MOB3B: variants seen among roughly 807,000 people sequenced by gnomAD.
MOB3B encodes the protein MOB kinase activator-like 2B.
Under a neutral mutation model 18.7 loss-of-function variants are expected in MOB3B, and 7 were observed. The observed-to-expected ratio is 0.37, with a 90% confidence interval of 0.21 to 0.70. The LOEUF is 0.70. MOB3B is among the 30% of genes least tolerant of loss of function. MOB3B has a pLI of 0.52. For missense variants in MOB3B, 253 were observed against 281.3 expected (o/e 0.90, Z 0.72); for synonymous variants, 111 against 99.9 (o/e 1.11, Z -0.66).
chr9:27,364,533 G>C (rs1292042462), intron 2 of MOB3B, among the ~76,000 whole-genome samples: 1 of 152,108 alleles, frequency 6.6e-6, no homozygotes, highest in Non-Finnish European at 1.5e-5. Flanking sequence ...GCTTATAATA[G>C]CTATTGATTT....
At chr9:27,504,217 T>C (rs1820027239) in intron 1 of MOB3B, among the ~76,000 whole-genome samples, 1 of 152,234 alleles carries the variant, frequency 6.6e-6, no homozygotes, top group African/African-American at 2.4e-5. Flanking sequence ...CAAGAGGACA[T>C]GGCTAGGCTG....
At chr9:27,381,734 C>T (rs1821580273) in intron 2 of MOB3B, among the ~76,000 whole-genome samples, 1 of 152,132 alleles carries the variant, frequency 6.6e-6, no homozygotes, top group African/African-American at 2.4e-5. Context: ...GTATCCTCAA[C>T]CTCCTGGGCT....
intron 1 of MOB3B, among the ~76,000 whole-genome samples, chr9:27,521,385 C>T (rs539443296): frequency 1.4e-4 from 21 of 152,274 alleles, no homozygotes; most frequent in Admixed American, 6.5e-4. Context: ...ATCTCCAACA[C>T]CTATGAGCAG....
At chr9:27,425,774 C>T in intron 2 of MOB3B, among the ~76,000 whole-genome samples, 1 of 152,146 alleles carries the variant, frequency 6.6e-6, no homozygotes, top group Admixed American at 6.5e-5. Context: ...CTTTTGTCAG[C>T]CTTCTCTTCC....
intron 2 of MOB3B, among the ~76,000 whole-genome samples, chr9:27,422,109 C>T (rs985621004): frequency 1.3e-5 from 2 of 152,176 alleles, no homozygotes; most frequent in East Asian, 1.9e-4. Context: ...TACATGAATA[C>T]GTGAATGAAT....
chr9:27,428,161 T>C (rs752335509), intron 2 of MOB3B, among the ~76,000 whole-genome samples: 5 of 152,156 alleles, frequency 3.3e-5, no homozygotes, highest in Non-Finnish European at 7.3e-5. Flanking sequence ...GGGGCTGCTA[T>C]GGACTAGGCA....
intron 1 of MOB3B, among the ~76,000 whole-genome samples, chr9:27,479,582 A>G (rs1485890537): frequency 1.3e-5 from 2 of 152,204 alleles, no homozygotes; most frequent in Non-Finnish European, 2.9e-5. Context: ...ATAAATAAGC[A>G]ATGATAAGCA....
At chr9:27,506,871 G>A (rs373761871) in intron 1 of MOB3B, among the ~76,000 whole-genome samples, 39 of 143,228 alleles carry the variant, frequency 2.7e-4, no homozygotes, top group East Asian at 2.2e-3. Context: ...TAGTAGAGAC[G>A]GGGTTTCACC....
intron 1 of MOB3B, among the ~76,000 whole-genome samples, chr9:27,457,263 G>A (rs1399502339): frequency 6.6e-6 from 1 of 152,186 alleles, no homozygotes; most frequent in Non-Finnish European, 1.5e-5. Flanking sequence ...TTGGTCGGAG[G>A]TGAAGGCTAT....
intron 1 of MOB3B, among the ~76,000 whole-genome samples, chr9:27,468,549 A>G (rs1217448127): frequency 6.6e-6 from 1 of 152,206 alleles, no homozygotes; most frequent in Non-Finnish European, 1.5e-5. Flanking sequence ...TTGCATGCAC[A>G]TCTCTGATGC....
chr9:27,418,537 C>G (rs929339832), intron 2 of MOB3B, among the ~76,000 whole-genome samples: 3 of 152,076 alleles, frequency 2.0e-5, no homozygotes, highest in African/African-American at 7.2e-5. Flanking sequence ...TTAACATATG[C>G]AAGCCAATAA....
At chr9:27,495,724 G>A (rs775584468) in intron 1 of MOB3B, among the ~76,000 whole-genome samples, 9 of 152,320 alleles carry the variant, frequency 5.9e-5, no homozygotes, top group African/African-American at 1.2e-4. Context: ...TCCTGTTTCC[G>A]AATTACTGGA....
intron 1 of MOB3B, among the ~76,000 whole-genome samples, chr9:27,476,477 T>C (rs1819554638): frequency 6.6e-6 from 1 of 152,208 alleles, no homozygotes; most frequent in Admixed American, 6.5e-5. Flanking sequence ...TTTTCCCTTT[T>C]TATGAGGATA....
chr9:27,435,943 C>G (rs1355520436), intron 2 of MOB3B, among the ~76,000 whole-genome samples: 1 of 152,186 alleles, frequency 6.6e-6, no homozygotes, highest in Non-Finnish European at 1.5e-5. Flanking sequence ...CCTGCTCCCT[C>G]TGTGACTTCC....
At chr9:27,437,367 C>T (rs1278956120) in intron 2 of MOB3B, among the ~76,000 whole-genome samples, 1 of 152,070 alleles carries the variant, frequency 6.6e-6, no homozygotes, top group Non-Finnish European at 1.5e-5. Context: ...CTATTTGGGA[C>T]TATTATATAA....
chr9:27,368,207 A>G (rs943117218), intron 2 of MOB3B, among the ~76,000 whole-genome samples: 2 of 152,076 alleles, frequency 1.3e-5, no homozygotes, highest in African/African-American at 2.4e-5. Flanking sequence ...ACAAAACAAA[A>G]CACATGAACA....
At chr9:27,418,330 C>A (rs895824833) in intron 2 of MOB3B, among the ~76,000 whole-genome samples, 3 of 151,982 alleles carry the variant, frequency 2.0e-5, no homozygotes, top group Non-Finnish European at 4.4e-5. Flanking sequence ...CCCTAATTCA[C>A]TCTATGAAGC....
intron 2 of MOB3B, among the ~76,000 whole-genome samples, chr9:27,406,657 T>C (rs1016485871): frequency 6.6e-6 from 1 of 152,296 alleles, no homozygotes; most frequent in East Asian, 1.9e-4. Flanking sequence ...TCTTAGTAAA[T>C]AGTGCTGGGA....
chr9:27,483,320 A>G (rs1239936547), intron 1 of MOB3B, among the ~76,000 whole-genome samples: 1 of 151,734 alleles, frequency 6.6e-6, no homozygotes, highest in Non-Finnish European at 1.5e-5. Context: ...TTTTAATAGA[A>G]ACGGGGTTTC....
Sources: gnomAD v4.1 joint callset for allele counts (sites outside exome capture counted in the v4.1 genomes callset) on GRCh38, gnomAD v4.1.1 for gene constraint, MANE v1.5 for transcripts, NCBI Gene and HGNC (gene_info 2026-07-23, HGNC 2026-07-21) for gene names.